The following ARHGAP35 variants were observed in gnomAD, a reference collection of about 807,000 sequenced individuals.
ARHGAP35 encodes the protein Rho GTPase activating protein 35.
In ARHGAP35, 15 loss-of-function variants were observed where a neutral mutation model predicts 111.1. The ratio of observed to expected loss-of-function variants is 0.13; its 90% CI spans 0.09 to 0.21. The LOEUF (loss-of-function observed/expected upper bound fraction) is 0.21, where lower values mean the gene tolerates loss of function less well. ARHGAP35 is among the 10% of genes least tolerant of loss of function. The probability of loss-of-function intolerance (pLI) is 1.00; values close to 1 mark genes in which losing one functional copy is unlikely to be tolerated. For missense variants in ARHGAP35, 1,262 were observed against 1,873.0 expected (o/e 0.67, Z 6.02); for synonymous variants, 643 against 710.3 (o/e 0.91, Z 1.51).
chr19:46,999,009 C>G lies in ARHGAP35; in HGVS notation c.4037-295C>G, dbSNP rs1363846881. ...AACCGGATGAGCAAAGAATGGTGTT[C>G]TTTATGGCGGAGTGTCTCCAGATTG... On this transcript the variant is annotated intron_variant, in intron 5 of 6. Coordinates refer to ENST00000672722, the MANE Select transcript of ARHGAP35 (RefSeq NM_004491.5). This position sits in a 1 kb window ranked among gnomAD's most constrained non-coding sequence, Gnocchi z 5.4. The G allele has an allele frequency of 8.2e-6, 3 of 364,112 alleles. No individual in the cohort carries two copies. The East Asian group carries it at 1.3e-4, about 15-fold the overall frequency. The allele number at this position is 364,112 out of a possible 1,614,324, so 22.6% of individuals were successfully genotyped here.
rs112008743 is a variant in ARHGAP35 at position 46,898,775 on chromosome 19, A to AGCTGCTGCT, written c.-188-19684_-188-19676dup. Among the ~76,000 whole-genome samples the AGCTGCTGCT allele has an allele frequency of 7.0e-3, 1,059 of 150,906 alleles. 15 individuals carry two copies. Among genetic ancestry groups the AGCTGCTGCT allele is most frequent in the African/African-American group, 0.023 (949 of 41,062 alleles). On this transcript the variant is annotated intron_variant, in intron 1 of 6. Transcript: ENST00000672722. ...ACCCAGGAGCCTCCATGCACAGATG[A>AGCTGCTGCT]GCTGCTGCTGCTGCTGCTGCTGCTG...
intron 3 of ARHGAP35, among the ~76,000 whole-genome samples, chr19:46,951,126 A>G (rs146554920): frequency 5.5e-4 from 84 of 152,364 alleles, no homozygotes; most frequent in Non-Finnish European, 9.6e-4. Context: ...CCTTTGCCAG[A>G]ATACTTAGGC....
chr19:46,922,007 G>A lies in ARHGAP35; in HGVS notation c.3332G>A (p.Ser1111Asn). 1 of 1,613,972 alleles carries A rather than the reference G, an allele frequency of 6.2e-7. No individual in the cohort carries two copies. The highest frequency in any genetic ancestry group is 8.5e-7 in the Non-Finnish European group (1 of 1,179,884). Residue 1111 changes from serine (S) to asparagine (N), a missense_variant, in exon 2 of 7, where the codon AGC becomes AAC. Around this residue, in one of 8 missense-constraint regions of ARHGAP35, gnomAD observed 579 missense variants for 716.9 expected, o/e 0.81. Coordinates refer to ENST00000672722, the MANE Select transcript of ARHGAP35 (RefSeq NM_004491.5). This position sits in a 1 kb window ranked among gnomAD's most constrained non-coding sequence, Gnocchi z 4.0. ...AACATATACTCCGTGCCCCATGACA[G>A]CACCCAAGGCAAAATCATCACCATT... ...EENIYSVPHD[S>N]TQGKIITIRN...
At chr19:46,970,004 G>A (rs1422866566) in intron 3 of ARHGAP35, among the ~76,000 whole-genome samples, 1 of 152,142 alleles carries the variant, frequency 6.6e-6, no homozygotes, top group Non-Finnish European at 1.5e-5. Flanking sequence ...GAGGAATTGG[G>A]GCAAAGACTG....
intron 1 of ARHGAP35, among the ~76,000 whole-genome samples, chr19:46,891,399 C>T (rs1279877907): frequency 6.7e-6 from 1 of 148,350 alleles, no homozygotes; most frequent in African/African-American, 2.5e-5. Context: ...GGCCACTTTT[C>T]TTAGGCTTTT....
At chr19:46,970,909 A>C (rs915352319) in intron 3 of ARHGAP35, among the ~76,000 whole-genome samples, 5 of 152,122 alleles carry the variant, frequency 3.3e-5, no homozygotes, top group Non-Finnish European at 7.4e-5. Flanking sequence ...CTGTGAGTCC[A>C]TGGGCCCCAA....
At chr19:46,951,121 G>A (rs547419407) in intron 3 of ARHGAP35, among the ~76,000 whole-genome samples, 1 of 152,368 alleles carries the variant, frequency 6.6e-6, no homozygotes, top group African/African-American at 2.4e-5. Context: ...AACGGCCTTT[G>A]CCAGAATACT....
chr19:46,910,780 A>C (rs1599812032), intron 1 of ARHGAP35, among the ~76,000 whole-genome samples: 1 of 151,238 alleles, frequency 6.6e-6, no homozygotes, highest in Non-Finnish European at 1.5e-5. Context: ...TTGTAGAGAA[A>C]GGGTTTTACC....
intron 2 of ARHGAP35, among the ~76,000 whole-genome samples, chr19:46,936,357 G>A (rs1331086741): frequency 1.3e-5 from 2 of 152,162 alleles, no homozygotes; most frequent in Non-Finnish European, 2.9e-5. Context: ...AAGGTGACTA[G>A]GGAAAAATAG....
rs191054812 is a variant in ARHGAP35, at chr19:46,922,379, G to C, written c.3681+23G>C. 6,742 of 1,540,604 alleles carry C rather than the reference G, an allele frequency of 4.4e-3. 28 individuals are homozygous for C. The highest frequency in any genetic ancestry group is 5.3e-3 in the Non-Finnish European group (6,084 of 1,144,736). On this transcript the variant is annotated intron_variant, in intron 2 of 6. Coordinates refer to ENST00000672722, the MANE Select transcript of ARHGAP35 (RefSeq NM_004491.5). The surrounding 1 kb of genome is among the most constrained non-coding windows in gnomAD (Gnocchi z 4.0). ...AAGGTAAGACACCAGTCTAGGATTA[G>C]TCATAGTGTTTTGTACAGCGTCTCG...
chr19:46,965,575 C>T lies in ARHGAP35; in HGVS notation c.3827-22414C>T, dbSNP rs189063894. Among the ~76,000 whole-genome samples the T allele has an allele frequency of 4.9e-4, 75 of 152,264 alleles. 1 individual carries two copies. The highest frequency in any genetic ancestry group is 1.4e-3 in the Admixed American group (21 of 15,292). ...TCATGGCTCATTGCAGCCTCGATCT[C>T]CCAGGCTCAAGTAATCCTCCCACCT... On this transcript the variant is annotated intron_variant, in intron 3 of 6. Transcript: ENST00000672722.
Position 47,000,265 on chromosome 19 carries a change from C to G in ARHGAP35, c.4143-66C>G. 3 of 1,533,190 alleles carry G rather than the reference C, an allele frequency of 2.0e-6. No individual in the cohort carries two copies. In the South Asian group the frequency reaches 3.7e-5, roughly 19 times the overall value. 95.0% of individuals were successfully genotyped at this position (1,533,190 alleles called of 1,614,324 possible). A position where few individuals can be genotyped will look rare whatever the true frequency, so the allele number is the denominator to read the frequency against. ...TGGGCTCAGCCTGGGTGCTGAAGAC[C>G]ATGAGCGCCCAGGGCCAGGTGGGGC... On this transcript the variant is annotated intron_variant, in intron 6 of 6. Coordinates refer to ENST00000672722, the MANE Select transcript of ARHGAP35 (RefSeq NM_004491.5). The surrounding 1 kb of genome is among the most constrained non-coding windows in gnomAD (Gnocchi z 6.9).
In ARHGAP35 at chr19:47,002,807, T is replaced by C. The variant is rs1599878695; in HGVS notation, c.*2119T>C. 1 of 152,270 alleles carries C rather than the reference T, an allele frequency of 6.6e-6. No homozygotes were observed. Among genetic ancestry groups the C allele is most frequent in the African/African-American group, 2.4e-5 (1 of 41,432 alleles). The allele number at this position is 152,270 out of a possible 1,614,324, so 9.4% of individuals were successfully genotyped here. ...CTTGAGCTAACACTGCCACCTCTTT[T>C]GTGTGAGCACAAAAGCCACGTCCCA... On this transcript the variant is annotated 3_prime_UTR_variant, in exon 7 of 7. Coordinates refer to ENST00000672722, the MANE Select transcript of ARHGAP35 (RefSeq NM_004491.5).
In ARHGAP35 at chr19:46,940,396, C is replaced by T. The variant is rs200081670; in HGVS notation, c.3826+2988C>T. On this transcript the variant is annotated intron_variant, in intron 3 of 6. Transcript: ENST00000672722. ...AAAAAAAATTAGCTGGGCATGGTGG[C>T]ACGCACCTGTAGTCCCAGCTACTCG... is the stretch of plus-strand genomic sequence containing the variant. Among the ~76,000 whole-genome samples the T allele has an allele frequency of 2.0e-4, 30 of 149,864 alleles. No homozygotes were observed. In the East Asian group the frequency reaches 4.7e-3, roughly 23 times the overall value.
At chr19:46,965,163 A>G (rs1191034441) in intron 3 of ARHGAP35, among the ~76,000 whole-genome samples, 1 of 152,144 alleles carries the variant, frequency 6.6e-6, no homozygotes, top group African/African-American at 2.4e-5. Flanking sequence ...AAATACAAAA[A>G]TTAGCCGGGC....
intron 1 of ARHGAP35, among the ~76,000 whole-genome samples, chr19:46,907,207 C>T (rs1485858174): frequency 6.6e-6 from 1 of 152,198 alleles, no homozygotes; most frequent in Non-Finnish European, 1.5e-5. Flanking sequence ...AGTGCAGTGG[C>T]ACGATCTCGG....
chr19:46,885,049 G>A (rs311362), intron 1 of ARHGAP35, among the ~76,000 whole-genome samples: 143,023 of 152,214 alleles, frequency 0.94, 67,308 homozygotes, highest in Middle Eastern at 0.98. Context: ...TAAAGCTTGC[G>A]GAAGTTCTTT....
In ARHGAP35 at chr19:46,923,316, G is replaced by A. The variant is rs548184819; in HGVS notation, c.3681+960G>A. 8.6e-5 allele frequency among the ~76,000 whole-genome samples: 13 copies of A among 151,928 alleles called. No individual in the cohort carries two copies. The East Asian group carries it at 2.5e-3, about 30-fold the overall frequency. On this transcript the variant is annotated intron_variant, in intron 2 of 6. Transcript: ENST00000672722. ...TTTTTAGTAGAGACGGGGTTTCACCGTGTTAGCCAGGATGGTCTCCATCTC... is the reference window on the plus strand; with the variant it reads ...TTTTTAGTAGAGACGGGGTTTCACCATGTTAGCCAGGATGGTCTCCATCTC...
intron 1 of ARHGAP35, among the ~76,000 whole-genome samples, chr19:46,873,254 A>G (rs1321950773): frequency 1.3e-5 from 2 of 151,994 alleles, no homozygotes; most frequent in Non-Finnish European, 2.9e-5. Flanking sequence ...ATTCAAGTCT[A>G]CTCCATGGTG....
Sources: allele counts gnomAD v4.1 joint callset (sites outside exome capture counted in the v4.1 genomes callset), GRCh38; gene constraint gnomAD v4.1.1; regional missense constraint gnomAD v4.1.1; non-coding constraint Gnocchi (gnomAD v3.1); transcripts MANE v1.5; gene names NCBI Gene and HGNC (gene_info 2026-07-23, HGNC 2026-07-21).